TSC2: variants seen among roughly 807,000 people sequenced by gnomAD.
TSC2 encodes tuberin.
A neutral mutation model predicts 202.2 loss-of-function variants in TSC2; 29 were observed. The ratio of observed to expected loss-of-function variants is 0.14; its 90% CI spans 0.11 to 0.20. The LOEUF (loss-of-function observed/expected upper bound fraction) is 0.20. Among genes scored for constraint, TSC2 ranks in the 10% least tolerant of loss-of-function variants. The probability of loss-of-function intolerance (pLI) is 1.00; values close to 1 mark genes in which losing one functional copy is unlikely to be tolerated. For missense variants in TSC2, 2,429 were observed against 2,420.0 expected (o/e 1.00, Z -0.08); for synonymous variants, 1,349 against 1,044.0 (o/e 1.29, Z -5.63).
intron 20 of TSC2, 142 bp from the exon 21 acceptor site, chr16:2,072,707 C>A: frequency 7.1e-7 from 1 of 1,403,832 alleles, no homozygotes; most frequent in Non-Finnish European, 9.8e-7. Flanking sequence ...AAGGGAGGCC[C>A]TTCCTGGGAG....
Position 2,088,099 on chromosome 16 carries a change from A to C in TSC2, c.5120A>C (p.Asn1707Thr), listed in dbSNP as rs772439098. The C allele has an allele frequency of 1.2e-6, 2 of 1,612,806 alleles. No homozygotes were observed. Among genetic ancestry groups the C allele is most frequent in the Admixed American group, 1.7e-5 (1 of 60,012 alleles). Residue 1707 changes from asparagine to threonine, a missense_variant, in exon 40 of 42, where the codon AAC (asparagine) becomes ACC (threonine). Asn to Thr is a moderately conservative substitution (Grantham distance 65, BLOSUM62 0). Transcript: ENST00000219476. ...GTGGCCAAGATCGTGTCTGACCGCA[A>C]CCTGCCCTTCGTGGCCCGCCAGATG... ...TSVAKIVSDRNLPFVARQMAL... is the reference protein window; with the variant it reads ...TSVAKIVSDRTLPFVARQMAL...
chr16:2,088,867 G>C lies in TSC2; in HGVS notation c.*257G>C, dbSNP rs111648142. 1 of 497,944 alleles carries C rather than the reference G, an allele frequency of 2.0e-6. No homozygotes were observed. The highest frequency in any genetic ancestry group is 3.0e-5 in the African/African-American group (1 of 33,004). The allele number at this position is 497,944 out of a possible 1,614,324, so 30.8% of individuals were successfully genotyped here. ...GCTGCCTGGGCCATACAGCACACTC[G>C]CGCGTGCGCGCGCGCACACACACAC... is the stretch of plus-strand genomic sequence containing the variant. On this transcript the variant is annotated 3_prime_UTR_variant, in exon 42 of 42. Transcript: ENST00000219476.
chr16:2,050,522 C>A (rs776023226), intron 3 of TSC2, 36 bp downstream of exon 3: 5 of 1,581,816 alleles, frequency 3.2e-6, no homozygotes, highest in African/African-American at 1.4e-5. Flanking sequence ...GAGAGAGGCA[C>A]GTAGACTATT....
rs1382083945 is a variant in TSC2 at position 2,050,392 on chromosome 16, C to G, written c.139-8C>G. 1 of 1,613,746 alleles carries G rather than the reference C, an allele frequency of 6.2e-7. No individual in the cohort carries two copies. Among genetic ancestry groups the G allele is most frequent in the Non-Finnish European group, 8.5e-7 (1 of 1,179,836 alleles). On this transcript the variant is annotated splice_polypyrimidine_tract_variant and splice_region_variant and intron_variant, in intron 2 of 41. Coordinates refer to ENST00000219476, the MANE Select transcript of TSC2 (RefSeq NM_000548.5). Reference sequence around the variant, plus strand: ...CTGGCCCCTTTTTCTTCTTTCATCTCTCTCCAGGAACTGAGCATGGAATGT... The same window carrying G: ...CTGGCCCCTTTTTCTTCTTTCATCTGTCTCCAGGAACTGAGCATGGAATGT...
At position 2,084,447 on chromosome 16, in the gene TSC2, C is replaced by A. The variant is rs45517333; in HGVS notation, c.4225C>A (p.Arg1409=). ...CCCTGGGGACAAGGCCGACGTGGGC[C>A]GGCTGAGCCCTGAGGTTAAGGCCCG... ...GDPGDKADVG[R]LSPEVKARSQ... Residue 1409 remains arginine (R), a synonymous_variant, in exon 34 of 42, where the codon CGG becomes AGG. Transcript: ENST00000219476. The A allele has an allele frequency of 6.2e-7, 1 of 1,609,326 alleles. No individual in the cohort carries two copies. The highest frequency in any genetic ancestry group is 8.5e-7 in the Non-Finnish European group (1 of 1,178,634).
rs1039066322 is a variant in TSC2, at chr16:2,056,100, G to A, written c.600-96G>A. On this transcript the variant is annotated intron_variant, in intron 6 of 41. Transcript: ENST00000219476. ...GGGACCCCCAGGGAGGATGAGCCAT[G>A]CGTGTTATTGACGTCATAGAGTGAC... The A allele has an allele frequency of 1.6e-5, 24 of 1,522,704 alleles. No individual in the cohort carries two copies. In the African/African-American group the frequency reaches 3.1e-4, roughly 20 times the overall value. The allele number at this position is 1,522,704 out of a possible 1,614,324, so 94.3% of individuals were successfully genotyped here.
In TSC2 at chr16:2,062,487, C is replaced by T. The variant is rs794727093; in HGVS notation, c.1258-10C>T. On this transcript the variant is annotated splice_polypyrimidine_tract_variant and intron_variant, in intron 12 of 41. Transcript: ENST00000219476. ...GGGCAGAGGGGCAACACCGGCTCTT[C>T]TTTTGACAGGAGTCCTCCCTCCTGA... 6.2e-7 allele frequency: 1 copy of T among 1,605,992 alleles called. No homozygotes were observed. The highest frequency in any genetic ancestry group is 1.1e-5 in the South Asian group (1 of 89,410).
At chr16:2,082,695 TC>T in intron 32 of TSC2, 191 bp downstream of exon 32, 1 of 676,892 alleles carries the variant, frequency 1.5e-6, no homozygotes, top group South Asian at 1.7e-5. Context: ...CTTGACTTGG[TC>T]CCTTTGTGGC....
chr16:2,076,029 T>C (rs1239836997), intron 23 of TSC2, 39 bp from the exon 24 acceptor site: 1 of 1,613,706 alleles, frequency 6.2e-7, no homozygotes, highest in South Asian at 1.1e-5. Context: ...GATGTTTCCC[T>C]GCTGCCAGGA....
In TSC2 at chr16:2,084,977, C is replaced by T. The variant is rs746246149; in HGVS notation, c.4520C>T (p.Ser1507Phe). Reference sequence around the variant, plus strand: ...TTCGTGTTCCTGCAGCTCTACCATTCCCCCTTCTTTGGCGACGAGTCAAAC... The same window carrying T: ...TTCGTGTTCCTGCAGCTCTACCATTTCCCCTTCTTTGGCGACGAGTCAAAC... ...PSFVFLQLYH[S>F]PFFGDESNKP... Residue 1507 changes from serine to phenylalanine, a missense_variant, in exon 35 of 42, where the codon TCC becomes TTC. Ser to Phe is a radical substitution (Grantham distance 155, BLOSUM62 -2). Transcript: ENST00000219476. 7.4e-6 allele frequency: 12 copies of T among 1,613,238 alleles called. No individual in the cohort carries two copies. The highest frequency in any genetic ancestry group is 4.4e-5 in the South Asian group (4 of 91,086).
At chr16:2,059,511 T>G (rs1335071796) in intron 10 of TSC2, among the ~76,000 whole-genome samples, 2 of 128,346 alleles carry the variant, frequency 1.6e-5, no homozygotes, top group African/African-American at 7.0e-5. Context: ...GGCTAATGGT[T>G]TTTTTTTTTT....
At position 2,053,389 on chromosome 16, in the gene TSC2, G is replaced by A. The variant is rs772296140; in HGVS notation, c.273G>A (p.Pro91=). 22 of 1,592,390 alleles carry A rather than the reference G, an allele frequency of 1.4e-5. No homozygotes were observed. The highest frequency in any genetic ancestry group is 2.3e-5 in the East Asian group (1 of 43,842). ...LWKAVADLLQ[P]ERPLEARHAV... is the part of the protein sequence containing the mutation. ...AGGCGGTCGCGGATCTGTTGCAGCC[G>A]GAGCGGCCGCTGGAGGCCCGGCACG... The change falls in exon 4 of 42, where the codon CCG becomes CCA. Residue 91 remains proline (P), a synonymous_variant. Coordinates refer to ENST00000219476, the MANE Select transcript of TSC2 (RefSeq NM_000548.5).
chr16:2,048,782 G>C (rs2150974993), intron 2 of TSC2, 29 bp downstream of exon 2: 1 of 1,613,866 alleles, frequency 6.2e-7, no homozygotes, highest in Admixed American at 1.7e-5. Flanking sequence ...TCTTTGCTAG[G>C]CTAGAGGGAA....
At chr16:2,081,086 G>T (rs1596396874) in intron 30 of TSC2, 1 of 238,146 alleles carries the variant, frequency 4.2e-6, no homozygotes. Flanking sequence ...CTGGTCCCTT[G>T]CTAGCCGTAA....
intron 16 of TSC2, chr16:2,066,244 A>C (rs1221601571): frequency 6.4e-6 from 1 of 155,852 alleles, no homozygotes; most frequent in African/African-American, 2.4e-5. Context: ...TTCATCCATA[A>C]GATGTTGGAT....
chr16:2,075,769 C>G (rs149098631), intron 22 of TSC2, 30 bp from the exon 23 acceptor site: 2 of 1,608,960 alleles, frequency 1.2e-6, no homozygotes, highest in Non-Finnish European at 8.5e-7. Flanking sequence ...GGGACCCCGG[C>G]TCCCCTGACC....
chr16:2,088,881 G>GCGCGCGCACA lies in TSC2; in HGVS notation c.*272_*273insGCGCGCACAC, dbSNP rs142285430. 1.9e-5 allele frequency: 8 copies of GCGCGCGCACA among 421,378 alleles called. No individual in the cohort carries two copies. The highest frequency in any genetic ancestry group is 4.5e-5 in the African/African-American group (2 of 44,578). The allele number at this position is 421,378 out of a possible 1,614,324, so 26.1% of individuals were successfully genotyped here. On this transcript the variant is annotated 3_prime_UTR_variant, in exon 42 of 42. Transcript: ENST00000219476. Reference sequence around the variant, plus strand: ...ACAGCACACTCGCGCGTGCGCGCGCGCACACACACACACACACAGTCACCT... The same window carrying GCGCGCGCACA: ...ACAGCACACTCGCGCGTGCGCGCGCGCGCGCGCACACACACACACACACACACAGTCACCT...
In TSC2 at chr16:2,071,801, C is replaced by T. The variant is rs1442388532; in HGVS notation, c.1964C>T (p.Ser655Phe). The stretch of plus-strand genomic sequence containing the variant: ...TTCTGCAGGGAGCCAGAGAGAGGCT[C>T]TGAGAAGAAGACCAGCGGCCCCCTT... ...VCDYMEPERG[S>F]EKKTSGPLSP... Residue 655 changes from serine to phenylalanine, a missense_variant, in exon 19 of 42, where the codon TCT becomes TTT. Ser to Phe is a radical substitution (Grantham distance 155, BLOSUM62 -2). Transcript: ENST00000219476. 2 of 1,605,532 alleles carry T rather than the reference C, an allele frequency of 1.2e-6. No homozygotes were observed. Among genetic ancestry groups the T allele is most frequent in the South Asian group, 1.1e-5 (1 of 89,772 alleles).
chr16:2,076,573 A>G lies in TSC2; in HGVS notation c.2825A>G (p.Glu942Gly), dbSNP rs1018951391. 3 of 1,612,726 alleles carry G rather than the reference A, an allele frequency of 1.9e-6. No individual in the cohort carries two copies. The African/African-American group carries it at 4.0e-5, about 22-fold the overall frequency. The stretch of plus-strand genomic sequence containing the variant: ...AGGGCCCGGAGTACTAGTCTCAACG[A>G]GAGACCCAAGAGGTACGGCCTGCGG... ...SFRARSTSLN[E>G]RPKSLRIARP... Residue 942 changes from glutamate to glycine, a missense_variant, in exon 25 of 42, where the codon GAG becomes GGG. Glu to Gly is a moderately conservative substitution (Grantham distance 98). Coordinates refer to ENST00000219476, the MANE Select transcript of TSC2 (RefSeq NM_000548.5).
Sources: gnomAD v4.1 joint callset for allele counts (sites outside exome capture counted in the v4.1 genomes callset) on GRCh38, gnomAD v4.1.1 for gene constraint, MANE v1.5 for transcripts, NCBI Gene and HGNC (gene_info 2026-07-23, HGNC 2026-07-21) for gene names.